The following AVEN variants were observed in gnomAD, a reference collection of about 807,000 sequenced individuals.
The protein encoded by AVEN is apoptosis and caspase activation inhibitor.
A neutral mutation model predicts 38.1 loss-of-function variants in AVEN; 41 were observed. The observed-to-expected ratio is 1.08, with a 90% CI of 0.84 to 1.40. The LOEUF (loss-of-function observed/expected upper bound fraction) is 1.40. Ranked by LOEUF, AVEN falls within the 40% of genes most tolerant of loss-of-function variation. The pLI, the probability that AVEN is intolerant of heterozygous loss-of-function variation, is 0.00. For missense variants in AVEN, 605 were observed against 438.8 expected (o/e 1.38, Z -3.38); for synonymous variants, 206 against 171.8 (o/e 1.20, Z -1.56).
At chr15:34,017,254 C>T (rs950323518) in intron 1 of AVEN, among the ~76,000 whole-genome samples, 6 of 152,062 alleles carry the variant, frequency 3.9e-5, no homozygotes, top group Non-Finnish European at 7.4e-5. Flanking sequence ...ACTGAGCTCT[C>T]ATACAAAATG....
intron 1 of AVEN, among the ~76,000 whole-genome samples, chr15:34,021,110 G>A (rs768608707): frequency 2.6e-5 from 4 of 152,024 alleles, no homozygotes; most frequent in African/African-American, 9.7e-5. Context: ...GTTCTTCCCC[G>A]ATGAAGAGTC....
chr15:33,856,030 GTGACAGCCTCACAACTACC>G, downstream of AVEN: 1 of 152,240 alleles, frequency 6.6e-6, no homozygotes, highest in Admixed American at 6.5e-5. Context: ...CCCAGTTACT[GTGACAGCCTCACAACTACC>G]TGGTAAGGCA....
rs774098229 is a variant in AVEN, at chr15:34,062,867, G to C, written n.1637+55C>G. 11 of 1,614,166 alleles carry C rather than the reference G, an allele frequency of 6.8e-6. No homozygotes were observed. The highest frequency in any genetic ancestry group is 4.5e-5 in the East Asian group (2 of 44,880). ...TGATCACCATTGTGGGCAATGTCTT[G>C]GTCATGATCTCCTTCAAAGTCAACA... On this transcript the variant is annotated intron_variant and non_coding_transcript_variant, in intron 5 of 11. Coordinates refer to the AVEN transcript ENST00000675287.
At chr15:33,854,056 C>T (rs765901718), downstream of AVEN, among the ~76,000 whole-genome samples, 2 of 151,924 alleles carry the variant, frequency 1.3e-5, no homozygotes, top group Admixed American at 6.6e-5. Context: ...AGTAGCTAGG[C>T]GTGGTGGTGG....
chr15:33,866,035 G>C (rs1219337532), downstream of AVEN: 1 of 153,840 alleles, frequency 6.5e-6, no homozygotes, highest in Non-Finnish European at 1.5e-5. Flanking sequence ...TAGTGGAGCT[G>C]CTCTGTTTAG....
intron 2 of AVEN, among the ~76,000 whole-genome samples, chr15:33,903,623 A>AG (rs1892572901): frequency 1.3e-5 from 2 of 152,318 alleles, no homozygotes; most frequent in South Asian, 2.1e-4. Flanking sequence ...CCTAGTAAGG[A>AG]GATGTGTTTA....
chr15:33,975,256 T>A (rs1439762408), intron 2 of AVEN, among the ~76,000 whole-genome samples: 1 of 152,184 alleles, frequency 6.6e-6, no homozygotes, highest in Admixed American at 6.5e-5. Context: ...TCTTCTCCAT[T>A]TTAATGCAAG....
chr15:33,875,282 A>T (rs540694906), intron 3 of AVEN, among the ~76,000 whole-genome samples: 28 of 152,298 alleles, frequency 1.8e-4, no homozygotes, highest in African/African-American at 6.5e-4. Flanking sequence ...GGAGCATATC[A>T]CAAGTCACCA....
intron 2 of AVEN, among the ~76,000 whole-genome samples, chr15:33,998,991 A>T (rs753945506): frequency 6.6e-6 from 1 of 152,174 alleles, no homozygotes; most frequent in Non-Finnish European, 1.5e-5. Context: ...ACATTCCTCT[A>T]TCCAGCAGCC....
chr15:34,039,082 C>G lies in AVEN; in HGVS notation c.-36G>C. 2 of 1,079,640 alleles carry G rather than the reference C, an allele frequency of 1.9e-6. No individual in the cohort carries two copies. The highest frequency in any genetic ancestry group is 2.2e-6 in the Non-Finnish European group (2 of 891,642). The allele number at this position is 1,079,640 out of a possible 1,614,324, so 66.9% of individuals were successfully genotyped here. A position where few individuals can be genotyped will look rare whatever the true frequency, so the allele number is the denominator to read the frequency against. On this transcript the variant is annotated 5_prime_UTR_variant, in exon 1 of 6. Transcript: ENST00000306730. ...CTGGCGGTGCTGAGCGCGCGGGAGC[C>G]GAGCTGCGGCGGAGACGCCCTGGCC...
intron 2 of AVEN, among the ~76,000 whole-genome samples, chr15:33,942,543 C>G (rs143247495): frequency 6.6e-6 from 1 of 152,040 alleles, no homozygotes; most frequent in Non-Finnish European, 1.5e-5. Context: ...CTCCGCCCCC[C>G]GGATTCACGC....
chr15:34,040,531 A>G (rs563150461), upstream of AVEN, among the ~76,000 whole-genome samples: 49 of 152,336 alleles, frequency 3.2e-4, no homozygotes, highest in Non-Finnish European at 5.6e-4. Context: ...CATACTTCTC[A>G]TATCACTTCA....
At chr15:34,018,492 T>C (rs954217255) in intron 1 of AVEN, 6 of 150,330 alleles carry the variant, frequency 4.0e-5, no homozygotes, top group Non-Finnish European at 5.9e-5. Context: ...TTAAAGGTAG[T>C]GCGTCCAGAG....
At chr15:34,041,911 A>C (rs895347064), upstream of AVEN, among the ~76,000 whole-genome samples, 2 of 152,212 alleles carry the variant, frequency 1.3e-5, no homozygotes, top group Non-Finnish European at 2.9e-5. Flanking sequence ...AGATGCCCTC[A>C]GAAGTCCGGG....
chr15:33,867,701 C>T lies in AVEN; in HGVS notation c.767G>A (p.Gly256Asp). The T allele has an allele frequency of 1.9e-6, 3 of 1,614,136 alleles. No individual in the cohort carries two copies. Among genetic ancestry groups the T allele is most frequent in the Non-Finnish European group, 2.5e-6 (3 of 1,180,016 alleles). ...SVAAGCPVLL[G>D]KDNPSPGPSR... ...AGGACCCGGGCTTGGGTTGTCTTTG[C>T]CCAGCAACACAGGGCAGCCAGCAGC... Residue 256 changes from glycine (G) to aspartate (D), a missense_variant, in exon 5 of 6, where the codon GGC becomes GAC. Coordinates refer to ENST00000306730, the MANE Select transcript of AVEN (RefSeq NM_020371.3).
chr15:34,002,604 G>A lies in AVEN; in HGVS notation c.445+428C>T, dbSNP rs141582155. On this transcript the variant is annotated intron_variant, in intron 2 of 5. Transcript: ENST00000306730. ...TCAAGTGCATATAGCTCCAATATGT[G>A]CATATCCACTACTATGTATATACCT... is the stretch of plus-strand genomic sequence containing the variant. 2.7e-3 allele frequency among the ~76,000 whole-genome samples: 411 copies of A among 152,048 alleles called. 2 individuals carry two copies. Among genetic ancestry groups the A allele is most frequent in the African/African-American group, 9.6e-3 (399 of 41,476 alleles).
Position 33,874,077 on chromosome 15 carries a change from T to C in AVEN, c.516+1848A>G, listed in dbSNP as rs560038535. On this transcript the variant is annotated intron_variant, in intron 3 of 5. Coordinates refer to ENST00000306730, the MANE Select transcript of AVEN (RefSeq NM_020371.3). ...TTCCCAATACTGCTGAAGTTAGATCTAACCATTTCCATGTTCTTGCTAAAC... is the reference window on the plus strand; with the variant it reads ...TTCCCAATACTGCTGAAGTTAGATCCAACCATTTCCATGTTCTTGCTAAAC... 2.0e-5 allele frequency among the ~76,000 whole-genome samples: 3 copies of C among 152,306 alleles called. No homozygotes were observed. In the South Asian group the frequency reaches 6.2e-4, roughly 32 times the overall value.
At position 34,013,921 on chromosome 15, in the gene AVEN, C is replaced by T. The variant is rs555807348; in HGVS notation, c.268-10712G>A. Reference sequence around the variant, plus strand: ...TACTGAAGGAACGGCTGCTATCTTCCGCCTGCTGACTCTTCCCAACCTCAA... The same window carrying T: ...TACTGAAGGAACGGCTGCTATCTTCTGCCTGCTGACTCTTCCCAACCTCAA... On this transcript the variant is annotated intron_variant, in intron 1 of 5. Transcript: ENST00000306730. Among the ~76,000 whole-genome samples, 584 of 152,270 alleles carry T rather than the reference C, an allele frequency of 3.8e-3. 5 individuals are homozygous for T. The highest frequency in any genetic ancestry group is 0.012 in the African/African-American group (500 of 41,540).
chr15:33,854,357 T>C (rs2079421913), downstream of AVEN: 2 of 1,537,774 alleles, frequency 1.3e-6, no homozygotes, highest in South Asian at 1.2e-5. Context: ...TCTTGACATT[T>C]ATAAGTTTTA....
Sources: allele counts gnomAD v4.1 joint callset (sites outside exome capture counted in the v4.1 genomes callset), GRCh38; gene constraint gnomAD v4.1.1; transcripts MANE v1.5; gene names NCBI Gene and HGNC (gene_info 2026-07-23, HGNC 2026-07-21).